Variants in CSMD1 observed in about 807,000 individuals in gnomAD.
The protein encoded by CSMD1 is CUB and Sushi multiple domains 1.
A neutral mutation model predicts 417.5 loss-of-function variants in CSMD1; 213 were observed. The observed-to-expected ratio is 0.51, with a 90% CI of 0.46 to 0.57. CSMD1 has a LOEUF of 0.57. CSMD1 is among the 20% of genes least tolerant of loss of function. The pLI is 0.00. For synonymous variants in CSMD1, 2,862 were observed against 1,736.8 expected (o/e 1.65, Z -16.11); for missense variants, 6,923 against 4,529.7 (o/e 1.53, Z -15.17).
chr8:4,107,719 G>A (rs545651997), intron 3 of CSMD1, among the ~76,000 whole-genome samples: 3 of 152,270 alleles, frequency 2.0e-5, no homozygotes, highest in African/African-American at 7.2e-5. Context: ...CGCTCCATCA[G>A]ATGCTGTGAT....
chr8:3,538,379 C>T (rs572565081), intron 10 of CSMD1, among the ~76,000 whole-genome samples: 11 of 152,154 alleles, frequency 7.2e-5, no homozygotes, highest in African/African-American at 2.6e-4. Flanking sequence ...TGGGATTCCA[C>T]ACCTGGGCTG....
intron 5 of CSMD1, among the ~76,000 whole-genome samples, chr8:3,983,318 G>T (rs142447024): frequency 3.3e-5 from 5 of 151,936 alleles, no homozygotes; most frequent in Non-Finnish European, 7.4e-5. Flanking sequence ...TTTTAGTAGA[G>T]ATGGGGTTTC....
At chr8:4,000,000 T>G (rs895987940) in intron 4 of CSMD1, among the ~76,000 whole-genome samples, 13 of 152,242 alleles carry the variant, frequency 8.5e-5, no homozygotes, top group Admixed American at 7.8e-4. Flanking sequence ...TGTTTCCTTT[T>G]AAAAGTGTAA....
chr8:3,883,684 T>C (rs895972214), intron 5 of CSMD1, among the ~76,000 whole-genome samples: 5 of 152,244 alleles, frequency 3.3e-5, no homozygotes, highest in Non-Finnish European at 7.4e-5. Flanking sequence ...CTATCAATCA[T>C]GTACCATGTA....
At chr8:3,552,052 G>T (rs959007068) in intron 10 of CSMD1, among the ~76,000 whole-genome samples, 2 of 152,202 alleles carry the variant, frequency 1.3e-5, no homozygotes, top group African/African-American at 4.8e-5. Flanking sequence ...TTTTGCAGAT[G>T]CATGTTCTGT....
intron 6 of CSMD1, among the ~76,000 whole-genome samples, chr8:3,719,091 G>C (rs987426766): frequency 6.6e-6 from 1 of 152,170 alleles, no homozygotes; most frequent in East Asian, 1.9e-4. Context: ...AGGTGTCTCA[G>C]ACGATTCGCA....
chr8:3,586,298 T>C (rs1259766173), intron 8 of CSMD1, 38 bp from the exon 9 acceptor site: 3 of 1,525,964 alleles, frequency 2.0e-6, no homozygotes, highest in Middle Eastern at 1.7e-4. Context: ...ACCCAAATTA[T>C]TTACAGAAGA....
rs774179778 is a variant in CSMD1, at chr8:3,091,562, G to A, written c.7239C>T (p.Ser2413=). The change falls in exon 48 of 70, where the codon TCC becomes TCT. Residue 2413 remains serine (S), a synonymous_variant. Coordinates refer to ENST00000635120, the MANE Select transcript of CSMD1 (RefSeq NM_033225.6). ...SRSNQLYLRW[S]TDHATSKKGF... ...CTTTCTTACTGGTGGCATGGTCAGT[G>A]GACCAGCGGAGATATAACTGATTAC... is the stretch of plus-strand genomic sequence containing the variant. 6.2e-7 allele frequency: 1 copy of A among 1,609,988 alleles called. No homozygotes were observed. The highest frequency in any genetic ancestry group is 8.5e-7 in the Non-Finnish European group (1 of 1,179,008).
At position 4,331,568 on chromosome 8, in the gene CSMD1, G is replaced by C. The variant is rs904772831; in HGVS notation, c.415+88385C>G. On this transcript the variant is annotated intron_variant, in intron 3 of 69. Coordinates refer to ENST00000635120, the MANE Select transcript of CSMD1 (RefSeq NM_033225.6). The stretch of plus-strand genomic sequence containing the variant: ...GGCAGTATGAATTAAATCCACAGCT[G>C]GGAGACTGCAGACAATGGGGCAACA... Among the ~76,000 whole-genome samples, 3 of 152,096 alleles carry C rather than the reference G, an allele frequency of 2.0e-5. No individual in the cohort carries two copies. In the South Asian group the frequency reaches 6.2e-4, roughly 32 times the overall value.
At chr8:4,771,020 C>T (rs575499086) in intron 1 of CSMD1, among the ~76,000 whole-genome samples, 19 of 152,284 alleles carry the variant, frequency 1.2e-4, no homozygotes, top group Middle Eastern at 3.4e-3. Context: ...GAAAAGGCAA[C>T]TTACAGATTC....
intron 2 of CSMD1, among the ~76,000 whole-genome samples, chr8:4,631,962 C>G (rs531233411): frequency 2.0e-5 from 3 of 152,144 alleles, no homozygotes; most frequent in Non-Finnish European, 2.9e-5. Context: ...CACTTTCTGA[C>G]TTTCTAAGGA....
intron 5 of CSMD1, among the ~76,000 whole-genome samples, chr8:3,905,587 C>G (rs1164052513): frequency 6.6e-6 from 1 of 152,194 alleles, no homozygotes; most frequent in Non-Finnish European, 1.5e-5. Context: ...TGGCTGGACC[C>G]CACACCCAGA....
At chr8:3,724,290 C>G (rs4454301) in intron 6 of CSMD1, among the ~76,000 whole-genome samples, 1 of 151,418 alleles carries the variant, frequency 6.6e-6, no homozygotes, top group East Asian at 1.9e-4. Flanking sequence ...GCTGGTGTGC[C>G]GCACCCACTA....
intron 17 of CSMD1, among the ~76,000 whole-genome samples, chr8:3,395,083 G>A (rs910767911): frequency 1.3e-5 from 2 of 152,146 alleles, no homozygotes; most frequent in Non-Finnish European, 2.9e-5. Context: ...GTAATAGGAG[G>A]TGATGTGGGG....
At chr8:4,633,799 GA>G (rs754150584) in intron 2 of CSMD1, among the ~76,000 whole-genome samples, 1 of 152,030 alleles carries the variant, frequency 6.6e-6, no homozygotes, top group Non-Finnish European at 1.5e-5. Context: ...GACCTCAGGT[GA>G]TCCACCCGCC....
At chr8:4,859,385 G>T (rs1037930781) in intron 1 of CSMD1, among the ~76,000 whole-genome samples, 17 of 152,104 alleles carry the variant, frequency 1.1e-4, no homozygotes, top group African/African-American at 3.9e-4. Flanking sequence ...AACACAAAAA[G>T]CAATAGCAAC....
chr8:4,045,086 C>G (rs186187641), intron 3 of CSMD1, among the ~76,000 whole-genome samples: 26 of 152,308 alleles, frequency 1.7e-4, no homozygotes, highest in African/African-American at 2.9e-4. Flanking sequence ...GTGGAGGCCA[C>G]AGACGGGGCA....
chr8:3,851,774 G>T (rs780764044), intron 5 of CSMD1, among the ~76,000 whole-genome samples: 4 of 152,190 alleles, frequency 2.6e-5, no homozygotes, highest in African/African-American at 7.2e-5. Flanking sequence ...GTATAAGGAA[G>T]TGACCACAAG....
chr8:4,419,009 C>G (rs962240983), intron 3 of CSMD1, among the ~76,000 whole-genome samples: 1 of 152,166 alleles, frequency 6.6e-6, no homozygotes, highest in Non-Finnish European at 1.5e-5. Flanking sequence ...TTCACTACAG[C>G]CACCCATTTG....
Sources: gnomAD v4.1 joint callset for allele counts (sites outside exome capture counted in the v4.1 genomes callset) on GRCh38, gnomAD v4.1.1 for gene constraint, MANE v1.5 for transcripts, NCBI Gene and HGNC (gene_info 2026-07-23, HGNC 2026-07-21) for gene names.